LHFPL3: variants seen among roughly 807,000 people sequenced by gnomAD.
The protein encoded by LHFPL3 is LHFPL tetraspan subfamily member 3.
LHFPL3 carries 5 observed loss-of-function variants against 19.3 expected under a neutral mutation model. The ratio of observed to expected loss-of-function variants is 0.26; its 90% CI spans 0.14 to 0.54. The LOEUF is 0.54. LHFPL3 is among the 20% of genes least tolerant of loss of function. The pLI is 0.94. For missense variants in LHFPL3, 249 were observed against 307.4 expected (o/e 0.81, Z 1.42); for synonymous variants, 133 against 126.2 (o/e 1.05, Z -0.36).
At position 104,569,522 on chromosome 7, in the gene LHFPL3, C is replaced by A. The variant is rs77353960; in HGVS notation, c.446-167153C>A. On this transcript the variant is annotated intron_variant, in intron 1 of 2. Transcript: ENST00000424859. The stretch of plus-strand genomic sequence containing the variant: ...TTTTATTGTGTGTATTTGAGATTTA[C>A]AATACGATGTTATGGGACACATATA... Among the ~76,000 whole-genome samples, 301 of 152,162 alleles carry A rather than the reference C, an allele frequency of 2.0e-3. 9 individuals are homozygous for A. In the East Asian group the frequency reaches 0.051, roughly 26 times the overall value.
chr7:104,808,146 G>T (rs1460351435), intron 2 of LHFPL3, among the ~76,000 whole-genome samples: 1 of 152,188 alleles, frequency 6.6e-6, no homozygotes, highest in African/African-American at 2.4e-5. Context: ...TGATCAAGAT[G>T]AGGAGGCACA....
At position 104,328,711 on chromosome 7, in the gene LHFPL3, T is replaced by A. The variant is rs937005264; in HGVS notation, c.-69T>A. On this transcript the variant is annotated 5_prime_UTR_variant, in exon 1 of 3. Coordinates refer to ENST00000424859, the MANE Select transcript of LHFPL3 (RefSeq NM_199000.3). This position sits in a 1 kb window ranked among gnomAD's most constrained non-coding sequence, Gnocchi z 4.6. ...GCGCGCGAGGCTCCGTGAGTGTGTCTCCTGCGCGCTGAGAGGCGGGGGGAG... is the reference window on the plus strand; with the variant it reads ...GCGCGCGAGGCTCCGTGAGTGTGTCACCTGCGCGCTGAGAGGCGGGGGGAG... The A allele has an allele frequency of 2.9e-6, 4 of 1,393,940 alleles. No individual in the cohort carries two copies. The highest frequency in any genetic ancestry group is 3.9e-6 in the Non-Finnish European group (4 of 1,022,638). The allele number at this position is 1,393,940 out of a possible 1,614,324, so 86.3% of individuals were successfully genotyped here.
chr7:104,861,143 T>G (rs1791612440), intron 2 of LHFPL3, among the ~76,000 whole-genome samples: 2 of 152,204 alleles, frequency 1.3e-5, no homozygotes, highest in Admixed American at 1.3e-4. Context: ...ATTTTTCATC[T>G]ATATTAGTTG....
chr7:104,342,526 T>C (rs1789978249), intron 1 of LHFPL3, among the ~76,000 whole-genome samples: 2 of 152,122 alleles, frequency 1.3e-5, no homozygotes, highest in South Asian at 4.1e-4. Flanking sequence ...AGGAAAGGAA[T>C]GAGTTCCTTT....
intron 1 of LHFPL3, among the ~76,000 whole-genome samples, chr7:104,506,463 C>T (rs1321115431): frequency 6.6e-6 from 1 of 152,170 alleles, no homozygotes; most frequent in Admixed American, 6.6e-5. Context: ...GATATGTTCA[C>T]TTATTTGTCT....
At chr7:104,723,817 G>C (rs1793535408) in intron 1 of LHFPL3, among the ~76,000 whole-genome samples, 1 of 151,196 alleles carries the variant, frequency 6.6e-6, no homozygotes, top group Non-Finnish European at 1.5e-5. Flanking sequence ...ATAGCTGCAA[G>C]GAGGTTAGTA....
chr7:104,422,874 C>G (rs1044707547), intron 1 of LHFPL3, among the ~76,000 whole-genome samples: 5 of 152,310 alleles, frequency 3.3e-5, no homozygotes, highest in Non-Finnish European at 7.3e-5. Flanking sequence ...GAATTAGCAC[C>G]TGTCCTTGAG....
At chr7:104,758,365 A>G (rs1794320933) in intron 2 of LHFPL3, among the ~76,000 whole-genome samples, 1 of 152,182 alleles carries the variant, frequency 6.6e-6, no homozygotes, top group Non-Finnish European at 1.5e-5. Flanking sequence ...AAAAGTTGCA[A>G]TTATTAAAAT....
intron 1 of LHFPL3, among the ~76,000 whole-genome samples, chr7:104,508,203 C>G (rs1426823123): frequency 1.3e-5 from 2 of 152,030 alleles, no homozygotes; most frequent in Non-Finnish European, 2.9e-5. Context: ...ACACTTGGAA[C>G]CAACCCAAAT....
chr7:104,646,134 A>G (rs2115917160), intron 1 of LHFPL3, among the ~76,000 whole-genome samples: 1 of 152,316 alleles, frequency 6.6e-6, no homozygotes, highest in Admixed American at 6.5e-5. Flanking sequence ...AACCTCTGTG[A>G]GCCTCATTTC....
chr7:104,554,453 T>C (rs973747664), intron 1 of LHFPL3, among the ~76,000 whole-genome samples: 6 of 152,146 alleles, frequency 3.9e-5, no homozygotes, highest in African/African-American at 1.4e-4. Context: ...TAGAGTATTA[T>C]ATAAACAAAT....
intron 1 of LHFPL3, among the ~76,000 whole-genome samples, chr7:104,685,656 A>G (rs888369513): frequency 2.0e-5 from 3 of 152,258 alleles, no homozygotes; most frequent in Non-Finnish European, 4.4e-5. Context: ...ACCAAGCACC[A>G]GTAGCCACAA....
At chr7:104,524,981 A>C (rs1008412651) in intron 1 of LHFPL3, among the ~76,000 whole-genome samples, 1 of 152,152 alleles carries the variant, frequency 6.6e-6, no homozygotes, top group African/African-American at 2.4e-5. Context: ...CTTTCTAGAG[A>C]TGGGAAATGT....
chr7:104,801,500 T>C (rs1790244285), intron 2 of LHFPL3, among the ~76,000 whole-genome samples: 1 of 152,206 alleles, frequency 6.6e-6, no homozygotes, highest in African/African-American at 2.4e-5. Flanking sequence ...TGGAAGAGAC[T>C]GATATTTCTC....
At chr7:104,573,062 A>G (rs1009146633) in intron 1 of LHFPL3, among the ~76,000 whole-genome samples, 1 of 152,192 alleles carries the variant, frequency 6.6e-6, no homozygotes, top group East Asian at 1.9e-4. Context: ...CATTAAAGGT[A>G]CTATAGGAAG....
chr7:104,515,202 C>T (rs1242466767), intron 1 of LHFPL3, among the ~76,000 whole-genome samples: 1 of 152,118 alleles, frequency 6.6e-6, no homozygotes. Flanking sequence ...TTCAAAATAG[C>T]AGTTTAAAAA....
intron 1 of LHFPL3, among the ~76,000 whole-genome samples, chr7:104,557,886 A>C (rs1469006032): frequency 6.9e-6 from 1 of 145,826 alleles, no homozygotes; most frequent in Non-Finnish European, 1.5e-5. Context: ...TGTCCATGTG[A>C]TCTCATTGTT....
At chr7:104,787,245 G>A (rs1789935976) in intron 2 of LHFPL3, among the ~76,000 whole-genome samples, 2 of 152,164 alleles carry the variant, frequency 1.3e-5, no homozygotes, top group Non-Finnish European at 2.9e-5. Flanking sequence ...TAGATGATTT[G>A]TGGAAATATA....
intron 2 of LHFPL3, among the ~76,000 whole-genome samples, chr7:104,834,451 C>A (rs562925754): frequency 1.3e-5 from 2 of 152,142 alleles, no homozygotes; most frequent in Admixed American, 6.5e-5. Flanking sequence ...TCATACATCA[C>A]CAGTGCTTTT....
Sources: allele counts gnomAD v4.1 joint callset (sites outside exome capture counted in the v4.1 genomes callset), GRCh38; gene constraint gnomAD v4.1.1; non-coding constraint Gnocchi (gnomAD v3.1); transcripts MANE v1.5; gene names NCBI Gene and HGNC (gene_info 2026-07-23, HGNC 2026-07-21).